CDH12: variants seen among roughly 807,000 people sequenced by gnomAD.
CDH12 encodes the protein cadherin-12.
CDH12 carries 41 observed loss-of-function variants against 74.1 expected under a neutral mutation model. That is an observed-to-expected ratio of 0.55 (90% confidence interval 0.43 to 0.72). The LOEUF is 0.72. Among genes scored for constraint, CDH12 ranks in the 30% least tolerant of loss-of-function variants. The pLI, the probability that CDH12 is intolerant of heterozygous loss-of-function variation, is 0.00. For missense variants in CDH12, 945 were observed against 977.2 expected, an observed-to-expected ratio of 0.97 and a Z score of 0.44; for synonymous variants, 399 against 355.0, an observed-to-expected ratio of 1.12 and a Z score of -1.39.
rs1737955572 is a variant in CDH12 at position 22,538,358 on chromosome 5, A to G, written c.-522-32994T>C. Among the ~76,000 whole-genome samples the G allele has an allele frequency of 2.0e-5, 3 of 152,354 alleles. No individual in the cohort carries two copies. In the South Asian group the frequency reaches 6.2e-4, roughly 32 times the overall value. On this transcript the variant is annotated intron_variant, in intron 1 of 14. Transcript: ENST00000382254. ...CAAATACCTTTAAGCAAGATGGATTAGTCTCTCCACCAACCTCCCCAAACA... is the reference window on the plus strand; with the variant it reads ...CAAATACCTTTAAGCAAGATGGATTGGTCTCTCCACCAACCTCCCCAAACA...
intron 11 of CDH12, among the ~76,000 whole-genome samples, chr5:21,782,361 G>A (rs1392763087): frequency 3.3e-5 from 5 of 152,186 alleles, no homozygotes; most frequent in African/African-American, 1.2e-4. Context: ...AAGATATCAC[G>A]AAGATGTGGG....
At chr5:22,797,363 G>A (rs1748284849) in intron 1 of CDH12, among the ~76,000 whole-genome samples, 3 of 152,076 alleles carry the variant, frequency 2.0e-5, no homozygotes, top group African/African-American at 4.8e-5. Flanking sequence ...AGTCTTGTTT[G>A]TAAGCTCTGT....
At chr5:22,578,650 G>A (rs1295567334) in intron 1 of CDH12, among the ~76,000 whole-genome samples, 1 of 152,086 alleles carries the variant, frequency 6.6e-6, no homozygotes, top group Non-Finnish European at 1.5e-5. Flanking sequence ...CTGGATTCAT[G>A]TGTGCTCAGA....
chr5:21,850,629 G>C (rs1211831603), intron 7 of CDH12, among the ~76,000 whole-genome samples: 4 of 151,344 alleles, frequency 2.6e-5, no homozygotes. Flanking sequence ...AGGTTTCGTT[G>C]GGAGATAGGC....
At chr5:22,516,638 T>A (rs1201867294) in intron 1 of CDH12, among the ~76,000 whole-genome samples, 1 of 151,658 alleles carries the variant, frequency 6.6e-6, no homozygotes, top group African/African-American at 2.4e-5. Flanking sequence ...CCACAAAAAA[T>A]ACAAAAATTA....
intron 4 of CDH12, among the ~76,000 whole-genome samples, chr5:22,126,070 G>A (rs9968631): frequency 0.58 from 85,666 of 148,882 alleles, 24,755 homozygotes; most frequent in African/African-American, 0.66. Flanking sequence ...TTAACTTTTT[G>A]TGTAAAACAT....
At chr5:21,768,938 T>A (rs1259989487) in intron 11 of CDH12, among the ~76,000 whole-genome samples, 2 of 152,024 alleles carry the variant, frequency 1.3e-5, no homozygotes, top group Admixed American at 6.6e-5. Flanking sequence ...TTATGATGAA[T>A]GGGTGTTTAT....
chr5:22,008,145 T>G (rs1159137179), intron 5 of CDH12, among the ~76,000 whole-genome samples: 5 of 152,214 alleles, frequency 3.3e-5, no homozygotes, highest in Non-Finnish European at 7.3e-5. Flanking sequence ...GGCTGTGTTG[T>G]GAAATGATAT....
At chr5:22,040,783 A>G (rs940635032) in intron 5 of CDH12, among the ~76,000 whole-genome samples, 3 of 152,174 alleles carry the variant, frequency 2.0e-5, no homozygotes, top group Non-Finnish European at 4.4e-5. Context: ...CCACTAGACC[A>G]GAGCTACAAG....
intron 1 of CDH12, among the ~76,000 whole-genome samples, chr5:22,776,228 C>T (rs975385789): frequency 6.6e-6 from 1 of 152,100 alleles, no homozygotes; most frequent in African/African-American, 2.4e-5. Flanking sequence ...CTTGCACACC[C>T]ACCACAAATA....
intron 3 of CDH12, among the ~76,000 whole-genome samples, chr5:22,233,604 C>A (rs972871004): frequency 6.6e-6 from 1 of 152,054 alleles, no homozygotes; most frequent in Non-Finnish European, 1.5e-5. Flanking sequence ...GATCAAACAC[C>A]AAATGTCATT....
rs147089983 is a variant in CDH12, at chr5:22,467,957, C to G, written c.-428+37313G>C. Reference sequence around the variant, plus strand: ...CTTAATGCTTTGATAGAAAAGGTCCCCTTCCTTAGTCTGATGTTCTGGGCC... The same window carrying G: ...CTTAATGCTTTGATAGAAAAGGTCCGCTTCCTTAGTCTGATGTTCTGGGCC... On this transcript the variant is annotated intron_variant, in intron 2 of 14. Coordinates refer to ENST00000382254, the MANE Select transcript of CDH12 (RefSeq NM_004061.5). Among the ~76,000 whole-genome samples the G allele has an allele frequency of 4.0e-3, 612 of 152,258 alleles. 4 individuals carry two copies. Among genetic ancestry groups the G allele is most frequent in the African/African-American group, 0.014 (561 of 41,530 alleles).
intron 2 of CDH12, among the ~76,000 whole-genome samples, chr5:22,489,616 T>A (rs1016648784): frequency 6.6e-6 from 1 of 152,078 alleles, no homozygotes; most frequent in Non-Finnish European, 1.5e-5. Flanking sequence ...TAGCTGCATA[T>A]GCTGCAATTT....
At chr5:21,766,445 T>C (rs1183928275) in intron 11 of CDH12, among the ~76,000 whole-genome samples, 2 of 151,958 alleles carry the variant, frequency 1.3e-5, no homozygotes, top group Admixed American at 6.5e-5. Context: ...TCTTATTTAA[T>C]AGAAACTGTT....
intron 1 of CDH12, among the ~76,000 whole-genome samples, chr5:22,602,184 G>C (rs922446390): frequency 6.6e-6 from 1 of 152,010 alleles, no homozygotes; most frequent in African/African-American, 2.4e-5. Flanking sequence ...CTGTAAAAGG[G>C]CGAGACTTCT....
chr5:21,809,364 G>T (rs1747615715), intron 9 of CDH12, among the ~76,000 whole-genome samples: 1 of 152,032 alleles, frequency 6.6e-6, no homozygotes, highest in East Asian at 1.9e-4. Flanking sequence ...ATTACAGAGG[G>T]TTTCGTCACA....
chr5:21,804,573 A>G (rs1231253064), intron 9 of CDH12, among the ~76,000 whole-genome samples: 1 of 151,778 alleles, frequency 6.6e-6, no homozygotes, highest in Non-Finnish European at 1.5e-5. Context: ...TTGAGTTATT[A>G]ACGAGAGTAA....
At chr5:22,112,090 G>C (rs979149113) in intron 4 of CDH12, among the ~76,000 whole-genome samples, 1 of 112,180 alleles carries the variant, frequency 8.9e-6, no homozygotes, top group African/African-American at 3.4e-5. Context: ...AAACTGCTCT[G>C]CTATTTGTTT....
intron 6 of CDH12, among the ~76,000 whole-genome samples, chr5:21,909,007 TC>T (rs1432792984): frequency 6.6e-6 from 1 of 152,238 alleles, no homozygotes; most frequent in East Asian, 1.9e-4. Context: ...TATCTTTTTT[TC>T]CTTGGCTTCT....
Sources: gnomAD v4.1 joint callset for allele counts (sites outside exome capture counted in the v4.1 genomes callset) on GRCh38, gnomAD v4.1.1 for gene constraint, MANE v1.5 for transcripts, NCBI Gene and HGNC (gene_info 2026-07-23, HGNC 2026-07-21) for gene names.